Variants in RNF125 observed in about 807,000 individuals in gnomAD.
RNF125 encodes ring finger protein 125.
A neutral mutation model predicts 26.0 loss-of-function variants in RNF125; 21 were observed. The observed-to-expected ratio is 0.81, with a 90% confidence interval of 0.57 to 1.16. The LOEUF (loss-of-function observed/expected upper bound fraction) is 1.16. Ranked by LOEUF, RNF125 falls within the 50% of genes most tolerant of loss-of-function variation. The pLI is 0.00. For synonymous variants in RNF125, 95 were observed against 109.2 expected (o/e 0.87, Z 0.81); for missense variants, 270 against 299.4 (o/e 0.90, Z 0.72).
In RNF125 at chr18:32,045,638, C is replaced by G; in HGVS notation, c.414-4C>G. The G allele has an allele frequency of 6.3e-7, 1 of 1,593,852 alleles. No homozygotes were observed. Among genetic ancestry groups the G allele is most frequent in the Non-Finnish European group, 8.6e-7 (1 of 1,165,402 alleles). On this transcript the variant is annotated splice_polypyrimidine_tract_variant and splice_region_variant and intron_variant, in intron 3 of 5. Coordinates refer to ENST00000217740, the MANE Select transcript of RNF125 (RefSeq NM_017831.4). ...ATATTATTTGTATTCTGTGCTATTT[C>G]CAGGTGTGTATGTCCCTTTTGTCAG...
intron 4 of RNF125, among the ~76,000 whole-genome samples, chr18:32,047,936 C>G (rs1435683214): frequency 6.6e-6 from 1 of 152,056 alleles, no homozygotes; most frequent in Non-Finnish European, 1.5e-5. Flanking sequence ...ACCAGCCTGG[C>G]CAACACGGTG....
chr18:32,078,369 T>C, the RNF125 span, among the ~76,000 whole-genome samples: 1 of 152,108 alleles, frequency 6.6e-6, no homozygotes. Context: ...CGTAATAAAG[T>C]CTAATAACGG....
chr18:32,034,111 T>C (rs753585604), intron 1 of RNF125, among the ~76,000 whole-genome samples: 10 of 152,222 alleles, frequency 6.6e-5, no homozygotes, highest in Non-Finnish European at 1.5e-4. Flanking sequence ...CTTGGCTTCC[T>C]GTGCCTGGTC....
At chr18:32,046,987 G>A (rs766715187) in intron 4 of RNF125, among the ~76,000 whole-genome samples, 6 of 152,142 alleles carry the variant, frequency 3.9e-5, no homozygotes, top group Non-Finnish European at 8.8e-5. Flanking sequence ...TCCTGCCTCA[G>A]CCCCTCAAAT....
chr18:32,051,575 A>G (rs145319715), intron 4 of RNF125, among the ~76,000 whole-genome samples: 1 of 138,610 alleles, frequency 7.2e-6, no homozygotes, highest in South Asian at 2.4e-4. Flanking sequence ...AAATCATGCC[A>G]TTGCACTCCA....
At chr18:32,057,271 T>C (rs2039394428) in intron 4 of RNF125, among the ~76,000 whole-genome samples, 1 of 152,160 alleles carries the variant, frequency 6.6e-6, no homozygotes, top group Admixed American at 6.5e-5. Context: ...TACTAGCTTT[T>C]TTATGATTGA....
chr18:32,085,379 G>C, the RNF125 span, among the ~76,000 whole-genome samples: 1,408 of 59,078 alleles, frequency 0.024, 26 homozygotes, highest in African/African-American at 0.074. Context: ...GAAGCAGAGA[G>C]AGAGAGAGAG....
At chr18:32,077,454 C>T (rs565254975), downstream of RNF125, among the ~76,000 whole-genome samples, 3 of 151,240 alleles carry the variant, frequency 2.0e-5, no homozygotes, top group Admixed American at 6.6e-5. Context: ...CTCTGCCTCC[C>T]GGGTTCAAGC....
chr18:32,056,621 CAAAAAA>C (rs58384246), intron 4 of RNF125, among the ~76,000 whole-genome samples: 1 of 95,310 alleles, frequency 1.0e-5, no homozygotes, highest in Non-Finnish European at 2.1e-5. Context: ...AACTCCGTCT[CAAAAAA>C]AAAAAAAAAA....
At chr18:32,076,060 C>G (rs2039568437), downstream of RNF125, 3 of 713,130 alleles carry the variant, frequency 4.2e-6, no homozygotes, top group South Asian at 2.7e-5. Flanking sequence ...GCTAATCACT[C>G]TACACTTGTT....
chr18:32,056,434 A>G (rs2039383543), intron 4 of RNF125, among the ~76,000 whole-genome samples: 1 of 151,994 alleles, frequency 6.6e-6, no homozygotes, highest in African/African-American at 2.4e-5. Flanking sequence ...CAATATAGAG[A>G]AACCACCCCC....
the RNF125 span, among the ~76,000 whole-genome samples, chr18:32,089,506 CATTTT>C: frequency 6.6e-6 from 1 of 152,194 alleles, no homozygotes; most frequent in African/African-American, 2.4e-5. Context: ...AGGCTGAGGA[CATTTT>C]ATTTACGCAG....
Position 32,071,179 on chromosome 18 carries a change from G to A in RNF125, c.*2795G>A, listed in dbSNP as rs1372671856. The A allele has an allele frequency of 6.6e-6, 1 of 151,226 alleles. No homozygotes were observed. Among genetic ancestry groups the A allele is most frequent in the Non-Finnish European group, 1.5e-5 (1 of 68,044 alleles). The allele number at this position is 151,226 out of a possible 1,614,324, so 9.4% of individuals were successfully genotyped here. Reference sequence around the variant, plus strand: ...AGGAGGAATCTTGCTCTGTTGCCCAGGCTGGAGTGCAGTGGTGTGATCTTG... The same window carrying A: ...AGGAGGAATCTTGCTCTGTTGCCCAAGCTGGAGTGCAGTGGTGTGATCTTG... On this transcript the variant is annotated 3_prime_UTR_variant, in exon 6 of 6. Transcript: ENST00000217740.
At chr18:32,088,483 G>A in the RNF125 span, among the ~76,000 whole-genome samples, 1 of 152,074 alleles carries the variant, frequency 6.6e-6, no homozygotes, top group Admixed American at 6.6e-5. Flanking sequence ...GAACTTGACT[G>A]GAGAGTTTTA....
At chr18:32,075,424 TGG>T (rs2039563605), downstream of RNF125, among the ~76,000 whole-genome samples, 1 of 152,110 alleles carries the variant, frequency 6.6e-6, no homozygotes, top group African/African-American at 2.4e-5. Flanking sequence ...CCAGGCACAG[TGG>T]CTCATGCCTG....
intron 2 of RNF125, among the ~76,000 whole-genome samples, chr18:32,040,415 G>A (rs1373629042): frequency 2.0e-5 from 3 of 151,810 alleles, no homozygotes; most frequent in African/African-American, 7.3e-5. Flanking sequence ...GGGACTATAG[G>A]TGCACACCAC....
chr18:32,063,660 T>G (rs1280770570), intron 4 of RNF125, among the ~76,000 whole-genome samples: 2 of 152,072 alleles, frequency 1.3e-5, no homozygotes, highest in African/African-American at 2.4e-5. Flanking sequence ...AACCAAAAAC[T>G]GGAAACAACC....
At chr18:32,083,581 G>A in the RNF125 span, among the ~76,000 whole-genome samples, 1 of 152,214 alleles carries the variant, frequency 6.6e-6, no homozygotes, top group Non-Finnish European at 1.5e-5. Context: ...GTCCTGGCGA[G>A]GAAGCCGGGG....
At chr18:32,035,169 T>C (rs1298168674) in intron 1 of RNF125, among the ~76,000 whole-genome samples, 1 of 152,148 alleles carries the variant, frequency 6.6e-6, no homozygotes, top group East Asian at 1.9e-4. Context: ...TAAGAGGTAT[T>C]GTTCCTGAAG....
Sources: gnomAD v4.1 joint callset for allele counts (sites outside exome capture counted in the v4.1 genomes callset) on GRCh38, gnomAD v4.1.1 for gene constraint, MANE v1.5 for transcripts, NCBI Gene and HGNC (gene_info 2026-07-23, HGNC 2026-07-21) for gene names.